The following RPRD2 variants were observed in gnomAD, a reference collection of about 807,000 sequenced individuals.
RPRD2 encodes regulation of nuclear pre-mRNA domain containing 2, also known as regulation of nuclear pre-mRNA domain-containing protein 2.
Under a neutral mutation model 104.4 loss-of-function variants are expected in RPRD2, and 12 were observed. The ratio of observed to expected loss-of-function variants is 0.11; its 90% CI spans 0.07 to 0.19. The LOEUF is 0.19. Among genes scored for constraint, RPRD2 ranks in the 10% least tolerant of loss-of-function variants. RPRD2 has a pLI of 1.00. For missense variants in RPRD2, 1,543 were observed against 1,790.1 expected, an observed-to-expected ratio of 0.86 and a Z score of 2.49; for synonymous variants, 714 against 684.9, an observed-to-expected ratio of 1.04 and a Z score of -0.66.
At chr1:150,365,339 C>T (rs1355420558) in intron 1 of RPRD2, among the ~76,000 whole-genome samples, 2 of 152,104 alleles carry the variant, frequency 1.3e-5, no homozygotes, top group African/African-American at 4.8e-5. Flanking sequence ...AGTAGTAAAT[C>T]CAGTGATGTT....
chr1:150,382,458 G>C (rs1304022428), intron 1 of RPRD2, among the ~76,000 whole-genome samples: 1 of 151,712 alleles, frequency 6.6e-6, no homozygotes, highest in Non-Finnish European at 1.5e-5. Context: ...TCTCGGCTCT[G>C]CCTCCCGGAT....
chr1:150,444,278 C>A lies in RPRD2; in HGVS notation c.595C>A (p.Leu199Ile). 6.2e-7 allele frequency: 1 copy of A among 1,613,488 alleles called. No homozygotes were observed. Among genetic ancestry groups the A allele is most frequent in the African/African-American group, 1.3e-5 (1 of 75,036 alleles). The change falls in exon 6 of 11, where the codon CTA (leucine) becomes ATA (isoleucine). Residue 199 changes from leucine to isoleucine, a missense_variant. Around this residue, in one of 4 missense-constraint regions of RPRD2, gnomAD observed 572 missense variants for 787.3 expected, o/e 0.73. Coordinates refer to ENST00000369068, the MANE Select transcript of RPRD2 (RefSeq NM_015203.5). ...TCAGGCCCTAATTGAAGAGCTGTTG[C>A]TATACAAGCGCTCAGAAGATCAGAT... ...RSQALIEELLLYKRSEDQIEL... is the reference protein window; with the variant it reads ...RSQALIEELLIYKRSEDQIEL...
At chr1:150,441,831 C>A in intron 3 of RPRD2, 50 bp from the exon 4 acceptor site, 2 of 1,387,086 alleles carry the variant, frequency 1.4e-6, no homozygotes, top group Non-Finnish European at 2.0e-6. Context: ...AGTGGACAGA[C>A]AGAACAGCTT....
intron 1 of RPRD2, among the ~76,000 whole-genome samples, chr1:150,381,023 C>T (rs1661085151): frequency 6.6e-6 from 1 of 152,158 alleles, no homozygotes; most frequent in African/African-American, 2.4e-5. Context: ...TATTGAGACA[C>T]ATGGCCCCCC....
chr1:150,443,191 G>A (rs1379176177), intron 4 of RPRD2, 40 bp from the exon 5 acceptor site: 6 of 1,510,886 alleles, frequency 4.0e-6, no homozygotes, highest in Non-Finnish European at 5.4e-6. Flanking sequence ...TCAACTTTTT[G>A]TGTCTGTATT....
chr1:150,460,326 G>A lies in RPRD2; in HGVS notation c.1411+9G>A, dbSNP rs12029359. 315,105 of 1,600,990 alleles carry A rather than the reference G, an allele frequency of 0.2. 32,685 individuals are homozygous for A. Among genetic ancestry groups the A allele is most frequent in the Middle Eastern group, 0.23 (1,386 of 6,034 alleles). On this transcript the variant is annotated intron_variant, in intron 9 of 10. Coordinates refer to ENST00000369068, the MANE Select transcript of RPRD2 (RefSeq NM_015203.5). ...AGTCATGAAAAATACTGGTAAGTAA[G>A]CCCAGTAAGGAGGATAAAAAGTTAA...
At position 150,442,249 on chromosome 1, in the gene RPRD2, G is replaced by A. The variant is rs143433090; in HGVS notation, c.514+291G>A. ...TGCAAGAAGAAAAAAATACTTGATAGTGTCCAGGATAATTTTCAGGTTCAA... is the reference window on the plus strand; with the variant it reads ...TGCAAGAAGAAAAAAATACTTGATAATGTCCAGGATAATTTTCAGGTTCAA... On this transcript the variant is annotated intron_variant, in intron 4 of 10. Coordinates refer to ENST00000369068, the MANE Select transcript of RPRD2 (RefSeq NM_015203.5). Among the ~76,000 whole-genome samples the A allele has an allele frequency of 3.3e-5, 5 of 152,178 alleles. No homozygotes were observed. In the East Asian group the frequency reaches 7.7e-4, roughly 23 times the overall value.
intron 1 of RPRD2, among the ~76,000 whole-genome samples, chr1:150,397,434 CAT>C (rs1553884416): frequency 6.6e-6 from 1 of 152,124 alleles, no homozygotes; most frequent in African/African-American, 2.4e-5. Context: ...CCACAATTAA[CAT>C]ATAGAACTTA....
chr1:150,433,714 G>C (rs1395106267), intron 2 of RPRD2, among the ~76,000 whole-genome samples: 1 of 105,320 alleles, frequency 9.5e-6, no homozygotes, highest in African/African-American at 4.1e-5. Context: ...AAAGTGCTGG[G>C]ATTACCATAG....
chr1:150,431,473 A>ATTTTTTTTTTTT lies in RPRD2; in HGVS notation c.336-9437_336-9426dup, dbSNP rs1160491386. ...TATTATTCAGTCTTAAAAAGGAAGG[A>ATTTTTTTTTTTT]TTTTTTTTTTTTTTTTTTTTTTTTG... On this transcript the variant is annotated intron_variant, in intron 2 of 10. Transcript: ENST00000369068. Among the ~76,000 whole-genome samples the ATTTTTTTTTTTT allele has an allele frequency of 6.9e-4, 54 of 78,826 alleles. 2 individuals carry two copies. The highest frequency in any genetic ancestry group is 2.1e-3 in the East Asian group (4 of 1,918). 51.7% of individuals were successfully genotyped at this position (78,826 alleles called of 152,430 possible).
chr1:150,471,590 A>G lies in RPRD2; in HGVS notation c.2642A>G (p.Gln881Arg). 3.7e-6 allele frequency: 6 copies of G among 1,613,608 alleles called. No individual in the cohort carries two copies. Among genetic ancestry groups the G allele is most frequent in the Non-Finnish European group, 5.1e-6 (6 of 1,179,790 alleles). ...PILSSYSHRA[Q>R]EFGVKSAFPP... ...CTGTCCAGTTATAGCCACAGAGCCC[A>G]AGAATTTGGGGTAAAGTCTGCCTTC... is the stretch of plus-strand genomic sequence containing the variant. The change falls in exon 11 of 11, where the codon CAA (glutamine) becomes CGA (arginine). Residue 881 changes from glutamine (Q) to arginine (R), a missense_variant. By Grantham distance (43) the Gln-to-Arg change is conservative. Coordinates refer to ENST00000369068, the MANE Select transcript of RPRD2 (RefSeq NM_015203.5). This position sits in a 1 kb window ranked among gnomAD's most constrained non-coding sequence, Gnocchi z 5.3.
At chr1:150,467,130 G>T (rs1340925066) in intron 10 of RPRD2, among the ~76,000 whole-genome samples, 11 of 152,152 alleles carry the variant, frequency 7.2e-5, no homozygotes, top group Admixed American at 5.9e-4. Flanking sequence ...CAAAGGAGTG[G>T]TGTAAAACAG....
Position 150,410,832 on chromosome 1 carries a change from AG to A in RPRD2, c.206-6763del, listed in dbSNP as rs1236750524. ...ATTTTCTCACAGTTCTAGAGGTTGC[AG>A]AGTTCAAGATCAAGGTCCAGTTTGG... On this transcript the variant is annotated intron_variant, in intron 1 of 10. Transcript: ENST00000369068. Among the ~76,000 whole-genome samples, 20 of 152,338 alleles carry A rather than the reference AG, an allele frequency of 1.3e-4. No individual in the cohort carries two copies. In the East Asian group the frequency reaches 3.9e-3, roughly 29 times the overall value.
chr1:150,382,637 G>A (rs1661222403), intron 1 of RPRD2, among the ~76,000 whole-genome samples: 1 of 152,184 alleles, frequency 6.6e-6, no homozygotes. Context: ...GGGATTACAG[G>A]CGTGAGCCAC....
Position 150,469,727 on chromosome 1 carries a change from G to A in RPRD2, c.1613-834G>A, listed in dbSNP as rs150156159. On this transcript the variant is annotated intron_variant, in intron 10 of 10. Transcript: ENST00000369068. ...GTTGAACTTCAGCCTTTGCCCCAAA[G>A]AATTCTTTCTCAGTGCTTCTGAGAA... Among the ~76,000 whole-genome samples, 61 of 152,290 alleles carry A rather than the reference G, an allele frequency of 4.0e-4. 2 individuals carry two copies. The East Asian group carries it at 0.011, about 27-fold the overall frequency.
intron 1 of RPRD2, among the ~76,000 whole-genome samples, chr1:150,411,894 G>A (rs1553887749): frequency 6.6e-6 from 1 of 151,840 alleles, no homozygotes; most frequent in African/African-American, 2.4e-5. Flanking sequence ...GGGAGGCTAA[G>A]GTGGGTGGAT....
intron 7 of RPRD2, among the ~76,000 whole-genome samples, chr1:150,450,620 A>C (rs1329700452): frequency 3.3e-5 from 5 of 149,844 alleles, no homozygotes; most frequent in South Asian, 2.1e-4. Context: ...AAAAAAAAAA[A>C]AAAAAAAGTT....
intron 1 of RPRD2, among the ~76,000 whole-genome samples, chr1:150,382,750 C>T (rs1661230856): frequency 6.6e-6 from 1 of 152,134 alleles, no homozygotes; most frequent in Admixed American, 6.6e-5. Flanking sequence ...ATGGGAGGAT[C>T]ACTTAAGGCC....
At chr1:150,385,207 A>G (rs1250585528) in intron 1 of RPRD2, among the ~76,000 whole-genome samples, 2 of 152,136 alleles carry the variant, frequency 1.3e-5, no homozygotes, top group Non-Finnish European at 2.9e-5. Context: ...CATGCCTGTA[A>G]TCCCAGCACT....
Sources: gnomAD v4.1 joint callset for allele counts (sites outside exome capture counted in the v4.1 genomes callset) on GRCh38, gnomAD v4.1.1 for gene constraint, gnomAD v4.1.1 regional missense constraint, Gnocchi (gnomAD v3.1) non-coding constraint, MANE v1.5 for transcripts, NCBI Gene and HGNC (gene_info 2026-07-23, HGNC 2026-07-21) for gene names.